KRI1: variants seen among roughly 807,000 people sequenced by gnomAD.
The protein encoded by KRI1 is protein KRI1 homolog.
KRI1 carries 83 observed loss-of-function variants against 97.0 expected under a neutral mutation model. The ratio of observed to expected loss-of-function variants is 0.86; its 90% CI spans 0.72 to 1.03. KRI1 has a LOEUF of 1.03. Among genes scored for constraint, KRI1 ranks in the 50% least tolerant of loss-of-function variants. KRI1 has a pLI of 0.00. For missense variants in KRI1, 916 were observed against 928.4 expected, an observed-to-expected ratio of 0.99 and a Z score of 0.17; for synonymous variants, 371 against 363.5, an observed-to-expected ratio of 1.02 and a Z score of -0.23.
chr19:10,561,355 T>C (rs1599535074), intron 6 of KRI1, 90 bp from the exon 7 acceptor site: 2 of 1,204,938 alleles, frequency 1.7e-6, no homozygotes, highest in Non-Finnish European at 2.4e-6. Context: ...AGCTGGGGTC[T>C]CACTATGTTG....
intron 3 of KRI1, among the ~76,000 whole-genome samples, chr19:10,564,472 A>G (rs1279933278): frequency 6.6e-6 from 1 of 151,868 alleles, no homozygotes; most frequent in Middle Eastern, 3.2e-3. Flanking sequence ...AAAAAAAAAA[A>G]AGAGAAATGG....
chr19:10,555,256 T>G (rs148315651), intron 17 of KRI1, 29 bp downstream of exon 17: 1 of 789,972 alleles, frequency 1.3e-6, no homozygotes, highest in Middle Eastern at 3.2e-4. Context: ...CCCCTGCGCA[T>G]GTGGCCCCGC....
intron 9 of KRI1, 91 bp downstream of exon 9, chr19:10,560,221 A>G: frequency 1.4e-6 from 2 of 1,470,172 alleles, no homozygotes; most frequent in Non-Finnish European, 1.8e-6. Flanking sequence ...AAATACACAC[A>G]TGGTGCCCTC....
chr19:10,560,169 C>T (rs1916648804), intron 9 of KRI1, 143 bp downstream of exon 9: 1 of 1,384,960 alleles, frequency 7.2e-7, no homozygotes, highest in Non-Finnish European at 9.5e-7. Context: ...TACTCTGTGG[C>T]TCTGCCTTAC....
At position 10,553,891 on chromosome 19, in the gene KRI1, G is replaced by T; in HGVS notation, c.*60C>A. ...CAGCAGATAGTACTTGTGGGTGCGA[G>T]ACCTGTCCAGGGCTTGATTTGAGGA... On this transcript the variant is annotated 3_prime_UTR_variant, in exon 19 of 19. Coordinates refer to ENST00000312962, the MANE Select transcript of KRI1 (RefSeq NM_023008.5). The T allele has an allele frequency of 2.2e-6, 3 of 1,357,128 alleles. No individual in the cohort carries two copies. Among genetic ancestry groups the T allele is most frequent in the South Asian group, 2.9e-5 (2 of 69,256 alleles). The allele number at this position is 1,357,128 out of a possible 1,614,324, so 84.1% of individuals were successfully genotyped here. A position where few individuals can be genotyped will look rare whatever the true frequency, so the allele number is the denominator to read the frequency against.
Position 10,561,653 on chromosome 19 carries a change from C to T in KRI1, c.488+14G>A. ...CTTTCCTCCATTGGGCCATTCCCGC[C>T]CACCCAGCCTCACCTTTCCTTGAGC... On this transcript the variant is annotated intron_variant, in intron 6 of 18. Coordinates refer to ENST00000312962, the MANE Select transcript of KRI1 (RefSeq NM_023008.5). 6.2e-7 allele frequency: 1 copy of T among 1,613,806 alleles called. No individual in the cohort carries two copies. The highest frequency in any genetic ancestry group is 8.5e-7 in the Non-Finnish European group (1 of 1,179,798).
At chr19:10,562,276 T>C (rs1313359773) in intron 4 of KRI1, among the ~76,000 whole-genome samples, 1 of 151,818 alleles carries the variant, frequency 6.6e-6, no homozygotes, top group Non-Finnish European at 1.5e-5. Flanking sequence ...TCTCAAACTC[T>C]TGACCTCAGG....
chr19:10,555,236 C>CCTGCCCTGCCCGCAGCGCACCTGGCT (rs1916463679), intron 17 of KRI1, 49 bp downstream of exon 17: 7 of 1,604,924 alleles, frequency 4.4e-6, no homozygotes, highest in South Asian at 2.2e-5. Context: ...CCCGAGGCTG[C>CCTGCCCTGCCCGCAGCGCACCTGGCT]CCGCCCTGCC....
Position 10,565,839 on chromosome 19 carries a change from A to G in KRI1, c.95-49T>C, listed in dbSNP as rs1316671754. 6 of 1,534,856 alleles carry G rather than the reference A, an allele frequency of 3.9e-6. No individual in the cohort carries two copies. In the South Asian group the frequency reaches 4.8e-5, roughly 12 times the overall value. On this transcript the variant is annotated intron_variant, in intron 1 of 18. Coordinates refer to ENST00000312962, the MANE Select transcript of KRI1 (RefSeq NM_023008.5). Reference sequence around the variant, plus strand: ...CCCCCCCAGGTCAGCCGGCGGGGCCACTCGACTCCCCACTTCCCAACCGGC... The same window carrying G: ...CCCCCCCAGGTCAGCCGGCGGGGCCGCTCGACTCCCCACTTCCCAACCGGC...
At chr19:10,563,113 T>C (rs1043970714) in intron 3 of KRI1, among the ~76,000 whole-genome samples, 2 of 152,102 alleles carry the variant, frequency 1.3e-5, no homozygotes, top group East Asian at 3.8e-4. Context: ...TGGAGTGCAA[T>C]GGCATGATCT....
intron 4 of KRI1, 138 bp downstream of exon 4, chr19:10,562,591 C>T: frequency 1.5e-6 from 1 of 655,388 alleles, no homozygotes. Flanking sequence ...CCTCAGCCTA[C>T]CAAAGTGCTG....
rs2144725703 is a variant in KRI1, at chr19:10,560,450, TG to T, written c.664-3del. On this transcript the variant is annotated splice_region_variant and splice_polypyrimidine_tract_variant and intron_variant, in intron 8 of 18. Coordinates refer to ENST00000312962, the MANE Select transcript of KRI1 (RefSeq NM_023008.5). ...GTTCCAGTATTCCTTGAGATGCGTC[TG>T]GGGGTGACAGGAGACAGGACTCTGG... The T allele has an allele frequency of 6.2e-7, 1 of 1,606,062 alleles. No homozygotes were observed. Among genetic ancestry groups the T allele is most frequent in the African/African-American group, 1.3e-5 (1 of 74,800 alleles).
intron 16 of KRI1, 91 bp from the exon 17 acceptor site, chr19:10,555,440 A>G: frequency 7.4e-7 from 1 of 1,348,888 alleles, no homozygotes; most frequent in Non-Finnish European, 1.1e-6. Flanking sequence ...CAAAACGGTA[A>G]TGCCGCTACC....
intron 13 of KRI1, 33 bp downstream of exon 13, chr19:10,558,131 C>T (rs766283808): frequency 1.2e-6 from 2 of 1,613,690 alleles, no homozygotes; most frequent in Non-Finnish European, 1.7e-6. Context: ...CCCCAGTCCC[C>T]AATCCCCAGC....
chr19:10,554,007 A>C lies in KRI1; in HGVS notation c.2056T>G (p.Phe686Val). The C allele has an allele frequency of 1.2e-6, 2 of 1,613,092 alleles. No individual in the cohort carries two copies. The highest frequency in any genetic ancestry group is 1.7e-6 in the Non-Finnish European group (2 of 1,179,376). ...CTCCGCTGCCGGCCCAGCTGGCGGA[A>C]GTGCAGCCGTTTGGGGTTGAGGCCA... ...AFGLNPKRLH[F>V]RQLGRQRRKQ... Residue 686 changes from phenylalanine (F) to valine (V), a missense_variant, in exon 19 of 19, where the codon TTC becomes GTC. Around this residue, in one of 3 missense-constraint regions of KRI1, gnomAD observed 672 missense variants for 667.2 expected, o/e 1.01. Transcript: ENST00000312962.
Position 10,558,059 on chromosome 19 carries a change from G to A in KRI1, c.1272C>T (p.Asp424=), listed in dbSNP as rs144912895. 4.8e-5 allele frequency: 77 copies of A among 1,614,068 alleles called. No homozygotes were observed. The highest frequency in any genetic ancestry group is 2.4e-4 in the African/African-American group (18 of 75,018). ...PQFEEEEGLE[D]DWNWDTWDGP... Reference sequence around the variant, plus strand: ...CGTCCCACGTGTCCCAGTTCCAGTCGTCTGGATGCAGGGAGAACAGACAGG... The same window carrying A: ...CGTCCCACGTGTCCCAGTTCCAGTCATCTGGATGCAGGGAGAACAGACAGG... The change falls in exon 14 of 19, where the codon GAC becomes GAT. Residue 424 remains aspartate (D), a splice_region_variant and synonymous_variant. Coordinates refer to ENST00000312962, the MANE Select transcript of KRI1 (RefSeq NM_023008.5).
At position 10,560,362 on chromosome 19, in the gene KRI1, C is replaced by G; in HGVS notation, c.750G>C (p.Glu250Asp). ...CATCTTCCTCCTCCTCTTCCTCCTCCTCATAGCGTTTGTTGAGGATGTAAT... is the reference window on the plus strand; with the variant it reads ...CATCTTCCTCCTCCTCTTCCTCCTCGTCATAGCGTTTGTTGAGGATGTAAT... Reference protein sequence around the residue: ...LRDYILNKRYEEEEEEEEDEE... With the variant: ...LRDYILNKRYDEEEEEEEDEE... The change falls in exon 9 of 19, where the codon GAG becomes GAC. Residue 250 changes from glutamate to aspartate, a missense_variant. Glu to Asp is a conservative substitution (Grantham distance 45). Coordinates refer to ENST00000312962, the MANE Select transcript of KRI1 (RefSeq NM_023008.5). 6.2e-7 allele frequency: 1 copy of G among 1,613,604 alleles called. No individual in the cohort carries two copies. Among genetic ancestry groups the G allele is most frequent in the East Asian group, 2.2e-5 (1 of 44,872 alleles).
At chr19:10,562,626 C>A (rs35523350) in intron 4 of KRI1, 103 bp downstream of exon 4, 137,307 of 720,212 alleles carry the variant, frequency 0.19, 14,056 homozygotes, top group Admixed American at 0.28. Context: ...AGCCACCATG[C>A]CCGGCCCAGG....
At position 10,554,181 on chromosome 19, in the gene KRI1, T is replaced by G; in HGVS notation, c.1882A>C (p.Ser628Arg). 6.2e-7 allele frequency: 1 copy of G among 1,613,660 alleles called. No individual in the cohort carries two copies. Among genetic ancestry groups the G allele is most frequent in the Non-Finnish European group, 8.5e-7 (1 of 1,179,782 alleles). ...ALDGSLMGPE[S>R]PPAQEEEAPV... ...GCTTCCTCTTCCTGTGCTGGGGGAC[T>G]CTCCGGCCCCATCAAGCTGCCATCA... Residue 628 changes from serine to arginine, a missense_variant, in exon 19 of 19, where the codon AGT becomes CGT. Physicochemically the swap from Ser to Arg is moderately radical, Grantham distance 110. Around this residue, in one of 3 missense-constraint regions of KRI1, gnomAD observed 672 missense variants for 667.2 expected, o/e 1.01. Coordinates refer to ENST00000312962, the MANE Select transcript of KRI1 (RefSeq NM_023008.5).
Sources: allele counts gnomAD v4.1 joint callset (sites outside exome capture counted in the v4.1 genomes callset), GRCh38; gene constraint gnomAD v4.1.1; regional missense constraint gnomAD v4.1.1; transcripts MANE v1.5; gene names NCBI Gene and HGNC (gene_info 2026-07-23, HGNC 2026-07-21).